Variants in OXA1L observed in about 807,000 individuals in gnomAD.
The protein encoded by OXA1L is mitochondrial inner membrane protein OXA1L.
OXA1L carries 42 observed loss-of-function variants against 52.2 expected under a neutral mutation model. That is an observed-to-expected ratio of 0.80 (90% CI 0.63 to 1.04). OXA1L has a LOEUF of 1.04. OXA1L is among the 50% of genes least tolerant of loss of function. OXA1L has a pLI of 0.00. For synonymous variants in OXA1L, 239 were observed against 201.9 expected, an observed-to-expected ratio of 1.18 and a Z score of -1.56; for missense variants, 572 against 555.0, an observed-to-expected ratio of 1.03 and a Z score of -0.31.
rs115105960 is a variant in OXA1L, at chr14:22,770,447, A to G, written c.670-14A>G. 1.4e-4 allele frequency: 220 copies of G among 1,611,276 alleles called. No individual in the cohort carries two copies. The African/African-American group carries it at 2.5e-3, about 18-fold the overall frequency. ...CTGGTAAAGCATGCTGACACTGTTT[A>G]TCTTGTGTAATAGGCCCCAATCTTC... On this transcript the variant is annotated splice_polypyrimidine_tract_variant and intron_variant, in intron 5 of 9. Transcript: ENST00000612549.
rs762545441 is a variant in OXA1L at position 22,769,793 on chromosome 14, A to G, written c.442A>G (p.Thr148Ala). ...LPWWGAIAAC[T>A]VFARCLIFPL... Reference sequence around the variant, plus strand: ...CAATCCTAGTTTGTATTTTCCAGGTACAGTCTTTGCCCGCTGCCTGATTTT... The same window carrying G: ...CAATCCTAGTTTGTATTTTCCAGGTGCAGTCTTTGCCCGCTGCCTGATTTT... Residue 148 changes from threonine (T) to alanine (A), a missense_variant and splice_region_variant, in exon 4 of 10, where the codon ACA (threonine) becomes GCA (alanine). Thr to Ala is a moderately conservative substitution (Grantham distance 58). Transcript: ENST00000612549. 1.9e-5 allele frequency: 30 copies of G among 1,614,082 alleles called. No homozygotes were observed. Among genetic ancestry groups the G allele is most frequent in the Non-Finnish European group, 2.5e-5 (30 of 1,180,048 alleles).
Position 22,767,273 on chromosome 14 carries a change from A to G in OXA1L, c.89A>G (p.Gln30Arg). Residue 30 changes from glutamine (Q) to arginine (R), a missense_variant, in exon 2 of 10, where the codon CAA becomes CGA. Physicochemically the swap from Gln to Arg is conservative, Grantham distance 43 (BLOSUM62 1). Around this residue, in one of 5 missense-constraint regions of OXA1L, gnomAD observed 186 missense variants for 151.8 expected, o/e 1.23. Transcript: ENST00000612549. Reference sequence around the variant, plus strand: ...GTCCACAGCGTCGCAGGGCCCTCGCAATGGCTTGGGAAACCGCTGACCACA... The same window carrying G: ...GTCCACAGCGTCGCAGGGCCCTCGCGATGGCTTGGGAAACCGCTGACCACA... ...RRVHSVAGPSQWLGKPLTTRL... is the reference protein window; with the variant it reads ...RRVHSVAGPSRWLGKPLTTRL... 1 of 1,611,906 alleles carries G rather than the reference A, an allele frequency of 6.2e-7. No homozygotes were observed. Among genetic ancestry groups the G allele is most frequent in the Admixed American group, 1.7e-5 (1 of 59,514 alleles).
rs1289285583 is a variant in OXA1L, at chr14:22,767,306, T to C, written c.122T>C (p.Leu41Pro). The C allele has an allele frequency of 6.2e-7, 1 of 1,613,750 alleles. No homozygotes were observed. Among genetic ancestry groups the C allele is most frequent in the East Asian group, 2.2e-5 (1 of 44,880 alleles). The change falls in exon 2 of 10, where the codon CTA becomes CCA. Residue 41 changes from leucine (L) to proline (P), a missense_variant. Leu to Pro is a moderately conservative substitution (Grantham distance 98). Around this residue, in one of 5 missense-constraint regions of OXA1L, gnomAD observed 186 missense variants for 151.8 expected, o/e 1.23. Coordinates refer to ENST00000612549, the MANE Select transcript of OXA1L (RefSeq NM_005015.5). ...GGGAAACCGCTGACCACACGGCTCC[T>C]ATTCCCAGCAGCCCCGTGCTGCTGT... The part of the protein sequence containing the change: ...WLGKPLTTRL[L>P]FPAAPCCCRP...
chr14:22,769,745 G>A (rs1338932003), intron 3 of OXA1L, 46 bp from the exon 4 acceptor site: 2 of 1,609,376 alleles, frequency 1.2e-6, no homozygotes, highest in South Asian at 2.2e-5. Flanking sequence ...CCTTCTAGCT[G>A]CAGAACTGCT....
At chr14:22,769,552 C>G (rs1171518995) in intron 3 of OXA1L, among the ~76,000 whole-genome samples, 2 of 152,158 alleles carry the variant, frequency 1.3e-5, no homozygotes, top group Non-Finnish European at 2.9e-5. Flanking sequence ...AGGAAACAAA[C>G]AGGATTCCTA....
rs1049102550 is a variant in OXA1L at position 22,770,945 on chromosome 14, C to T, written c.939+36C>T. 8 of 1,611,552 alleles carry T rather than the reference C, an allele frequency of 5.0e-6. No homozygotes were observed. The Admixed American group carries it at 1.2e-4, about 24-fold the overall frequency. ...CCTTATGGGCTGGCTCCAAGGCCTT[C>T]TGCCTAGCCTAGCCACCTAGCAAGC... is the stretch of plus-strand genomic sequence containing the variant. On this transcript the variant is annotated intron_variant, in intron 7 of 9. Transcript: ENST00000612549.
At position 22,768,378 on chromosome 14, in the gene OXA1L, A is replaced by G. The variant is rs1594938218; in HGVS notation, c.439+207A>G. ...AAACCACCAGATCATCTGGGATTCAAGAAGTGTAGATATTTGAATACAAAC... is the reference window on the plus strand; with the variant it reads ...AAACCACCAGATCATCTGGGATTCAGGAAGTGTAGATATTTGAATACAAAC... On this transcript the variant is annotated intron_variant, in intron 3 of 9. Transcript: ENST00000612549. 4 of 583,238 alleles carry G rather than the reference A, an allele frequency of 6.9e-6. No individual in the cohort carries two copies. In the East Asian group the frequency reaches 1.1e-4, roughly 17 times the overall value. 36.1% of individuals were successfully genotyped at this position (583,238 alleles called of 1,614,324 possible). A position where few individuals can be genotyped will look rare whatever the true frequency, so the allele number is the denominator to read the frequency against.
In OXA1L at chr14:22,771,094, G is replaced by A. The variant is rs148343797; in HGVS notation, c.1016G>A (p.Arg339His). 2.9e-5 allele frequency: 46 copies of A among 1,614,012 alleles called. No individual in the cohort carries two copies. Among genetic ancestry groups the A allele is most frequent in the Middle Eastern group, 1.6e-4 (1 of 6,062 alleles). Residue 339 changes from arginine (R) to histidine (H), a missense_variant, in exon 8 of 10, where the codon CGC (arginine) becomes CAC (histidine). This residue lies in a region of OXA1L where 244 missense variants were observed against 240.2 expected (regional missense o/e 1.02). Coordinates refer to ENST00000612549, the MANE Select transcript of OXA1L (RefSeq NM_005015.5). ...TCCTGTCTCCGGATTCCAGCAGTAC[G>A]CACTGTACTTAAAATCCCCCAGCGT... The part of the protein sequence containing the change: ...QVSCLRIPAV[R>H]TVLKIPQRVV...
rs560027042 is a variant in OXA1L at position 22,771,301 on chromosome 14, G to A, written c.1136G>A (p.Arg379Gln). The A allele has an allele frequency of 1.2e-5, 20 of 1,614,190 alleles. No homozygotes were observed. Among genetic ancestry groups the A allele is most frequent in the East Asian group, 2.2e-5 (1 of 44,876 alleles). The change falls in exon 9 of 10, where the codon CGA (arginine) becomes CAA (glutamine). Residue 379 changes from arginine to glutamine, a missense_variant. By Grantham distance (43) the Arg-to-Gln change is conservative. This residue lies in a region of OXA1L where 244 missense variants were observed against 240.2 expected (regional missense o/e 1.02). Transcript: ENST00000612549. ...WKNAEMTRQL[R>Q]EREQRMRNQL... Reference sequence around the variant, plus strand: ...AATGCTGAAATGACGCGTCAGCTGCGAGAGCGTGAACAACGCATGCGGAAT... The same window carrying A: ...AATGCTGAAATGACGCGTCAGCTGCAAGAGCGTGAACAACGCATGCGGAAT...
In OXA1L at chr14:22,772,871, TC is replaced by T. The variant is rs1196058778; in HGVS notation, c.*1316del. ...TGAGCATGGTGGTGCTTGTCCATAGTCCCAGCTACCTGGGAGGCTGAGGTGG... is the reference window on the plus strand; with the variant it reads ...TGAGCATGGTGGTGCTTGTCCATAGTCCAGCTACCTGGGAGGCTGAGGTGG... On this transcript the variant is annotated 3_prime_UTR_variant, in exon 10 of 10. Transcript: ENST00000612549. The T allele has an allele frequency of 1.8e-5, 3 of 169,906 alleles. No homozygotes were observed. Among genetic ancestry groups the T allele is most frequent in the Non-Finnish European group, 2.5e-5 (2 of 78,636 alleles). 10.5% of individuals were successfully genotyped at this position (169,906 alleles called of 1,614,324 possible).
In OXA1L at chr14:22,766,730, G is replaced by C. The variant is rs762314193; in HGVS notation, c.29G>C (p.Arg10Pro). The change falls in exon 1 of 10, where the codon CGG becomes CCG. Residue 10 changes from arginine to proline, a missense_variant. Physicochemically the swap from Arg to Pro is moderately radical, Grantham distance 103 (BLOSUM62 -2). Around this residue, in one of 5 missense-constraint regions of OXA1L, gnomAD observed 186 missense variants for 151.8 expected, o/e 1.23. Coordinates refer to ENST00000612549, the MANE Select transcript of OXA1L (RefSeq NM_005015.5). ...GCGATGGGACTAATGTGCGGACGCCGGGAGCTTCTGCGCTTGCTACAGTCC... is the reference window on the plus strand; with the variant it reads ...GCGATGGGACTAATGTGCGGACGCCCGGAGCTTCTGCGCTTGCTACAGTCC... MAMGLMCGR[R>P]ELLRLLQSGR... 6.2e-7 allele frequency: 1 copy of C among 1,614,242 alleles called. No individual in the cohort carries two copies. Among genetic ancestry groups the C allele is most frequent in the South Asian group, 1.1e-5 (1 of 91,088 alleles).
At position 22,771,849 on chromosome 14, in the gene OXA1L, C is replaced by T. The variant is rs1352203833; in HGVS notation, c.*291C>T. 3.1e-6 allele frequency: 1 copy of T among 320,112 alleles called. No homozygotes were observed. 19.8% of individuals were successfully genotyped at this position (320,112 alleles called of 1,614,324 possible). ...GCACTTCAGAAAACTGAAGAATACCCAGCATTTTGGGAGGCCGAGGTGGGT... is the reference window on the plus strand; with the variant it reads ...GCACTTCAGAAAACTGAAGAATACCTAGCATTTTGGGAGGCCGAGGTGGGT... On this transcript the variant is annotated 3_prime_UTR_variant, in exon 10 of 10. Transcript: ENST00000612549.
chr14:22,766,730 G>T lies in OXA1L; in HGVS notation c.29G>T (p.Arg10Leu). 6.2e-7 allele frequency: 1 copy of T among 1,614,240 alleles called. No homozygotes were observed. Among genetic ancestry groups the T allele is most frequent in the Non-Finnish European group, 8.5e-7 (1 of 1,180,042 alleles). MAMGLMCGR[R>L]ELLRLLQSGR... ...GCGATGGGACTAATGTGCGGACGCCGGGAGCTTCTGCGCTTGCTACAGTCC... is the reference window on the plus strand; with the variant it reads ...GCGATGGGACTAATGTGCGGACGCCTGGAGCTTCTGCGCTTGCTACAGTCC... Residue 10 changes from arginine (R) to leucine (L), a missense_variant, in exon 1 of 10, where the codon CGG (arginine) becomes CTG (leucine). This residue lies in a region of OXA1L where 186 missense variants were observed against 151.8 expected (regional missense o/e 1.23). Coordinates refer to ENST00000612549, the MANE Select transcript of OXA1L (RefSeq NM_005015.5).
rs141530227 is a variant in OXA1L, at chr14:22,771,117, C to T, written c.1039C>T (p.Arg347Cys). Residue 347 changes from arginine to cysteine, a missense_variant, in exon 8 of 10, where the codon CGT becomes TGT. This residue lies in a region of OXA1L where 244 missense variants were observed against 240.2 expected (regional missense o/e 1.02). Coordinates refer to ENST00000612549, the MANE Select transcript of OXA1L (RefSeq NM_005015.5). ...ACGCACTGTACTTAAAATCCCCCAG[C>T]GTGTTGTACATGACCTGGACAAATT... ...AVRTVLKIPQRVVHDLDKLPP... is the reference protein window; with the variant it reads ...AVRTVLKIPQCVVHDLDKLPP... The T allele has an allele frequency of 2.9e-5, 46 of 1,613,958 alleles. No homozygotes were observed. Among genetic ancestry groups the T allele is most frequent in the South Asian group, 1.1e-4 (10 of 91,084 alleles).
At position 22,767,328 on chromosome 14, in the gene OXA1L, C is replaced by A; in HGVS notation, c.144C>A (p.Cys48Ter). 1 of 1,613,836 alleles carries A rather than the reference C, an allele frequency of 6.2e-7. No individual in the cohort carries two copies. The highest frequency in any genetic ancestry group is 8.5e-7 in the Non-Finnish European group (1 of 1,179,880). ...TRLLFPAAPCCCRPHYLFLAA... is the reference protein window; with the variant it reads ...TRLLFPAAPC ...TCCTATTCCCAGCAGCCCCGTGCTG[C>A]TGTCGCCCACACTACCTCTTCCTTG... Residue 48 changes from cysteine to a stop codon, truncating the protein, a stop_gained, in exon 2 of 10, where the codon TGC becomes TGA. Coordinates refer to ENST00000612549, the MANE Select transcript of OXA1L (RefSeq NM_005015.5). LOFTEE classifies it high-confidence loss of function.
At position 22,767,102 on chromosome 14, in the gene OXA1L, G is replaced by C. The variant is rs2038413009; in HGVS notation, c.64-146G>C. 4.6e-6 allele frequency: 7 copies of C among 1,534,840 alleles called. No individual in the cohort carries two copies. The South Asian group carries it at 8.3e-5, about 18-fold the overall frequency. ...ACCCGCTGCATGCCTTCGGGCTAGCGGTCTGCGCGCGGTGATAGCAATGTC... is the reference window on the plus strand; with the variant it reads ...ACCCGCTGCATGCCTTCGGGCTAGCCGTCTGCGCGCGGTGATAGCAATGTC... On this transcript the variant is annotated intron_variant, in intron 1 of 9. Coordinates refer to ENST00000612549, the MANE Select transcript of OXA1L (RefSeq NM_005015.5).
At position 22,771,630 on chromosome 14, in the gene OXA1L, C is replaced by T. The variant is rs1316622162; in HGVS notation, c.*72C>T. The T allele has an allele frequency of 2.0e-6, 3 of 1,508,590 alleles. No individual in the cohort carries two copies. Among genetic ancestry groups the T allele is most frequent in the South Asian group, 2.3e-5 (2 of 87,804 alleles). 93.5% of individuals were successfully genotyped at this position (1,508,590 alleles called of 1,614,324 possible). A position where few individuals can be genotyped will look rare whatever the true frequency, so the allele number is the denominator to read the frequency against. ...CTCATCCTCAAAACAAGACTTGACA[C>T]TGTGTCCTTGCCCCAGTCCTAGGAA... On this transcript the variant is annotated 3_prime_UTR_variant, in exon 10 of 10. Coordinates refer to ENST00000612549, the MANE Select transcript of OXA1L (RefSeq NM_005015.5).
chr14:22,770,143 T>C (rs370175262), intron 4 of OXA1L, 50 bp from the exon 5 acceptor site: 6 of 1,408,314 alleles, frequency 4.3e-6, no homozygotes, highest in African/African-American at 4.2e-5. Context: ...GATGTTCACC[T>C]CCACTGATGT....
At chr14:22,767,222 G>T in intron 1 of OXA1L, 26 bp from the exon 2 acceptor site, 2 of 1,590,012 alleles carry the variant, frequency 1.3e-6, no homozygotes. Context: ...CGGTAAAGGG[G>T]CTCCATCATC....
Sources: gnomAD v4.1 joint callset for allele counts (sites outside exome capture counted in the v4.1 genomes callset) on GRCh38, gnomAD v4.1.1 for gene constraint, gnomAD v4.1.1 regional missense constraint, MANE v1.5 for transcripts, NCBI Gene and HGNC (gene_info 2026-07-23, HGNC 2026-07-21) for gene names.